PTPN14: variants seen among roughly 807,000 people sequenced by gnomAD.
PTPN14 encodes protein tyrosine phosphatase non-receptor type 14.
In PTPN14, 53 loss-of-function variants were observed where a neutral mutation model predicts 126.8. That is an observed-to-expected ratio of 0.42 (90% CI 0.34 to 0.53). The LOEUF is 0.53. Ranked by LOEUF, PTPN14 falls within the 20% of genes least tolerant of loss-of-function variation. The pLI is 0.08. For missense variants in PTPN14, 1,257 were observed against 1,552.9 expected (o/e 0.81, Z 3.20); for synonymous variants, 630 against 599.3 (o/e 1.05, Z -0.75).
chr1:214,410,300 C>CTT (rs55645471), intron 5 of PTPN14, among the ~76,000 whole-genome samples: 85 of 135,190 alleles, frequency 6.3e-4, no homozygotes, highest in Non-Finnish European at 6.1e-4. Flanking sequence ...TTTTTTTTTT[C>CTT]TTTTTTTTTT....
In PTPN14 at chr1:214,506,339, TA is replaced by T. The variant is rs202156456; in HGVS notation, c.-154-41383del. Among the ~76,000 whole-genome samples, 1,000 of 151,006 alleles carry T rather than the reference TA, an allele frequency of 6.6e-3. 5 individuals are homozygous for T. The highest frequency in any genetic ancestry group is 0.011 in the Non-Finnish European group (729 of 67,960). Reference sequence around the variant, plus strand: ...GGGCAACACAGGAGGCCCCGTCTCTTAAATTTTTTTTTTTAAAATTTTTTAA... The same window carrying T: ...GGGCAACACAGGAGGCCCCGTCTCTTAATTTTTTTTTTTAAAATTTTTTAA... On this transcript the variant is annotated intron_variant, in intron 1 of 18. Transcript: ENST00000366956.
chr1:214,366,036 G>C (rs1256460836), intron 17 of PTPN14, among the ~76,000 whole-genome samples: 1 of 152,206 alleles, frequency 6.6e-6, no homozygotes, highest in East Asian at 1.9e-4. Flanking sequence ...GTGGTGGCAC[G>C]AGCCTGTAAT....
Position 214,354,955 on chromosome 1 carries a change from G to A in PTPN14, c.*2967C>T, listed in dbSNP as rs941979386. On this transcript the variant is annotated 3_prime_UTR_variant, in exon 19 of 19. Transcript: ENST00000366956. Reference sequence around the variant, plus strand: ...GCTTCCCAGATATAAAGCATCTCTGGGCAATTATTATGCAGATGCCACCGA... The same window carrying A: ...GCTTCCCAGATATAAAGCATCTCTGAGCAATTATTATGCAGATGCCACCGA... 9.9e-5 allele frequency: 15 copies of A among 152,078 alleles called. No individual in the cohort carries two copies. The highest frequency in any genetic ancestry group is 3.6e-4 in the African/African-American group (15 of 41,406). The allele number at this position is 152,078 out of a possible 1,614,324, so 9.4% of individuals were successfully genotyped here. A position where few individuals can be genotyped will look rare whatever the true frequency, so the allele number is the denominator to read the frequency against.
At chr1:214,471,039 A>C (rs1329916606) in intron 1 of PTPN14, among the ~76,000 whole-genome samples, 3 of 136,330 alleles carry the variant, frequency 2.2e-5, no homozygotes, top group Non-Finnish European at 4.8e-5. Flanking sequence ...AAAAAAAAAA[A>C]CAAAACAAAA....
In PTPN14 at chr1:214,393,757, C is replaced by T. The variant is rs1249310683; in HGVS notation, c.867G>A (p.Lys289=). ...GTGTGGCAAACAACCGAGAAATATA[C>T]TTGGCATTTTCGATATCATCCTTGG... ...LFHTDDIENA[K]YISRLFATRH... Residue 289 remains lysine (K), a synonymous_variant, in exon 10 of 19, where the codon AAG becomes AAA. Coordinates refer to ENST00000366956, the MANE Select transcript of PTPN14 (RefSeq NM_005401.5). The T allele has an allele frequency of 1.9e-6, 3 of 1,600,832 alleles. No individual in the cohort carries two copies. The highest frequency in any genetic ancestry group is 2.6e-6 in the Non-Finnish European group (3 of 1,168,112).
At chr1:214,439,081 T>A (rs571691489) in intron 3 of PTPN14, among the ~76,000 whole-genome samples, 171 of 152,354 alleles carry the variant, frequency 1.1e-3, no homozygotes, top group Non-Finnish European at 2.0e-3. Flanking sequence ...ATGTATGTTC[T>A]CCTTTGTAGT....
At chr1:214,437,896 T>A (rs1219608851) in intron 3 of PTPN14, among the ~76,000 whole-genome samples, 1 of 152,158 alleles carries the variant, frequency 6.6e-6, no homozygotes, top group Non-Finnish European at 1.5e-5. Flanking sequence ...ACTTAAATGA[T>A]AAGAATCACC....
At chr1:214,441,613 C>T (rs1175844766) in intron 3 of PTPN14, among the ~76,000 whole-genome samples, 1 of 152,180 alleles carries the variant, frequency 6.6e-6, no homozygotes, top group Non-Finnish European at 1.5e-5. Flanking sequence ...AATTGACACA[C>T]CATTCTCAAT....
intron 1 of PTPN14, among the ~76,000 whole-genome samples, 191 bp from the exon 2 acceptor site, chr1:214,465,148 A>C (rs1437520132): frequency 1.7e-4 from 26 of 152,088 alleles, no homozygotes; most frequent in Admixed American, 1.6e-3. Context: ...TTATCTTACA[A>C]GGGTGATACG....
At chr1:214,427,371 G>C (rs750733858) in intron 3 of PTPN14, among the ~76,000 whole-genome samples, 2 of 149,976 alleles carry the variant, frequency 1.3e-5, no homozygotes, top group Admixed American at 6.6e-5. Flanking sequence ...AAAATGTATT[G>C]AATAGAAATC....
intron 1 of PTPN14, among the ~76,000 whole-genome samples, chr1:214,492,269 A>G (rs1661267628): frequency 6.6e-6 from 1 of 152,096 alleles, no homozygotes; most frequent in South Asian, 2.1e-4. Flanking sequence ...AGAAGAAATA[A>G]GCAGACATGT....
intron 5 of PTPN14, among the ~76,000 whole-genome samples, chr1:214,403,526 T>C (rs974833218): frequency 6.6e-6 from 1 of 152,184 alleles, no homozygotes; most frequent in African/African-American, 2.4e-5. Context: ...AGCTGACTAG[T>C]CAGCATCTCT....
chr1:214,512,438 A>G (rs991312201), intron 1 of PTPN14, among the ~76,000 whole-genome samples: 5 of 152,142 alleles, frequency 3.3e-5, no homozygotes, highest in Admixed American at 1.3e-4. Flanking sequence ...AACTGACACA[A>G]TCAGTCAGTC....
At chr1:214,362,697 C>T (rs1392316942) in intron 18 of PTPN14, among the ~76,000 whole-genome samples, 18 of 152,090 alleles carry the variant, frequency 1.2e-4, no homozygotes, top group Admixed American at 1.1e-3. Flanking sequence ...AAGTAGGGAG[C>T]GGAGCACAGG....
Position 214,357,837 on chromosome 1 carries a change from G to T in PTPN14, c.*85C>A. 7.7e-7 allele frequency: 1 copy of T among 1,299,472 alleles called. No individual in the cohort carries two copies. Among genetic ancestry groups the T allele is most frequent in the Non-Finnish European group, 1.1e-6 (1 of 916,500 alleles). 80.5% of individuals were successfully genotyped at this position (1,299,472 alleles called of 1,614,324 possible). ...TTTGCTGCCAGCCACCTGCACCCCT[G>T]TGGGGGGAGCAGATGTTGTCTGGAG... On this transcript the variant is annotated 3_prime_UTR_variant, in exon 19 of 19. Coordinates refer to ENST00000366956, the MANE Select transcript of PTPN14 (RefSeq NM_005401.5).
chr1:214,444,581 A>T (rs1660101580), intron 3 of PTPN14, among the ~76,000 whole-genome samples: 1 of 152,242 alleles, frequency 6.6e-6, no homozygotes, highest in African/African-American at 2.4e-5. Context: ...CACTTTAAAC[A>T]CTGGTTGAAC....
intron 2 of PTPN14, among the ~76,000 whole-genome samples, chr1:214,458,135 A>C (rs57880156): frequency 6.6e-6 from 1 of 152,040 alleles, no homozygotes; most frequent in Non-Finnish European, 1.5e-5. Flanking sequence ...CTGCAGCCTC[A>C]TTCTCCCGAG....
intron 13 of PTPN14, among the ~76,000 whole-genome samples, chr1:214,381,995 T>C (rs990858255): frequency 2.7e-5 from 4 of 150,792 alleles, no homozygotes; most frequent in African/African-American, 9.8e-5. Flanking sequence ...ACCTCCGCCT[T>C]GTGGGTTCAA....
chr1:214,382,409 A>G (rs1343670120), intron 13 of PTPN14, among the ~76,000 whole-genome samples: 1 of 152,186 alleles, frequency 6.6e-6, no homozygotes, highest in East Asian at 1.9e-4. Context: ...AAAGCCTTGA[A>G]TTCCTGGGCT....
Sources: gnomAD v4.1 joint callset for allele counts (sites outside exome capture counted in the v4.1 genomes callset) on GRCh38, gnomAD v4.1.1 for gene constraint, MANE v1.5 for transcripts, NCBI Gene and HGNC (gene_info 2026-07-23, HGNC 2026-07-21) for gene names.